The following NHSL1 variants were observed in gnomAD, a reference collection of about 807,000 sequenced individuals.
NHSL1 encodes NHS like 1.
In NHSL1, 48 loss-of-function variants were observed where a neutral mutation model predicts 95.0. That is an observed-to-expected ratio of 0.51 (90% CI 0.40 to 0.64). The LOEUF (loss-of-function observed/expected upper bound fraction) is 0.64. Ranked by LOEUF, NHSL1 falls within the 30% of genes least tolerant of loss-of-function variation. NHSL1 has a pLI of 0.00. For synonymous variants in NHSL1, 783 were observed against 833.9 expected, an observed-to-expected ratio of 0.94 and a Z score of 1.05; for missense variants, 1,971 against 2,077.7, an observed-to-expected ratio of 0.95 and a Z score of 1.00.
chr6:138,634,592 T>C (rs1191935792), intron 1 of NHSL1, among the ~76,000 whole-genome samples: 1 of 152,110 alleles, frequency 6.6e-6, no homozygotes, highest in Non-Finnish European at 1.5e-5. Context: ...GAGATCCCAA[T>C]ACAATAATAG....
At chr6:138,588,519 C>A (rs185431069) in intron 1 of NHSL1, among the ~76,000 whole-genome samples, 140 of 152,154 alleles carry the variant, frequency 9.2e-4, no homozygotes, top group African/African-American at 3.3e-3. Context: ...TGAAAACAAA[C>A]TGAGGCTAAG....
intron 1 of NHSL1, among the ~76,000 whole-genome samples, chr6:138,617,649 C>T (rs1424277754): frequency 6.6e-6 from 1 of 152,202 alleles, no homozygotes; most frequent in East Asian, 1.9e-4. Flanking sequence ...ACAATGCGCA[C>T]GCAGACACAC....
intron 1 of NHSL1, among the ~76,000 whole-genome samples, chr6:138,522,685 C>T (rs565066203): frequency 6.6e-6 from 1 of 152,118 alleles, no homozygotes; most frequent in East Asian, 1.9e-4. Context: ...TGGTGGCGCA[C>T]ATGTGGTTTC....
intron 1 of NHSL1, among the ~76,000 whole-genome samples, chr6:138,513,593 T>C (rs1243266811): frequency 6.6e-6 from 1 of 152,154 alleles, no homozygotes; most frequent in Non-Finnish European, 1.5e-5. Flanking sequence ...ATCAAATGAT[T>C]ACAGGGGCTG....
At chr6:138,634,697 C>T (rs1784865369) in intron 1 of NHSL1, among the ~76,000 whole-genome samples, 1 of 151,914 alleles carries the variant, frequency 6.6e-6, no homozygotes, top group African/African-American at 2.4e-5. Flanking sequence ...CCAAATAGAC[C>T]TAAGAGATAT....
chr6:138,489,046 G>GTCTGTCA (rs1779880785), intron 2 of NHSL1, among the ~76,000 whole-genome samples: 1 of 152,180 alleles, frequency 6.6e-6, no homozygotes, highest in African/African-American at 2.4e-5. Flanking sequence ...AGTATTAAGC[G>GTCTGTCA]TCTGTCACTG....
intron 1 of NHSL1, among the ~76,000 whole-genome samples, chr6:138,668,550 ATC>A (rs1468542676): frequency 1.3e-5 from 2 of 152,204 alleles, no homozygotes; most frequent in Admixed American, 6.5e-5. Flanking sequence ...TGCAATTATT[ATC>A]TGTCAATTAA....
chr6:138,444,073 A>G (rs985962397), intron 4 of NHSL1, among the ~76,000 whole-genome samples: 6 of 152,160 alleles, frequency 3.9e-5, no homozygotes, highest in Non-Finnish European at 8.8e-5. Flanking sequence ...AGCATCCCCT[A>G]TGGCACTCAG....
At chr6:138,613,166 A>G (rs930565451) in intron 1 of NHSL1, among the ~76,000 whole-genome samples, 3 of 152,180 alleles carry the variant, frequency 2.0e-5, no homozygotes, top group African/African-American at 7.2e-5. Flanking sequence ...CTTTTAACTA[A>G]CTGCAGGCCA....
At chr6:138,621,881 C>T (rs912231466) in intron 1 of NHSL1, among the ~76,000 whole-genome samples, 14 of 152,300 alleles carry the variant, frequency 9.2e-5, no homozygotes, top group Admixed American at 2.0e-4. Flanking sequence ...AGCAAGGAGG[C>T]AGCACTAGGT....
Position 138,431,653 on chromosome 6 carries a change from T to C in NHSL1, c.2692A>G (p.Ile898Val), listed in dbSNP as rs1327838949. Residue 898 changes from isoleucine (I) to valine (V), a missense_variant, in exon 6 of 8, where the codon ATT (isoleucine) becomes GTT (valine). By Grantham distance (29) the Ile-to-Val change is conservative. Coordinates refer to ENST00000343505, the MANE Select transcript of NHSL1 (RefSeq NM_001144060.2). The surrounding 1 kb of genome is among the most constrained non-coding windows in gnomAD (Gnocchi z 4.0). Reference sequence around the variant, plus strand: ...GAAAGAGAAGTGGACGATGAGGAAATGGATACTGAAGATATCAGAGAGGAC... The same window carrying C: ...GAAAGAGAAGTGGACGATGAGGAAACGGATACTGAAGATATCAGAGAGGAC... ...RKSSLISSVS[I>V]SSSSTSLSSS... The C allele has an allele frequency of 1.3e-6, 2 of 1,551,608 alleles. No individual in the cohort carries two copies. Among genetic ancestry groups the C allele is most frequent in the Admixed American group, 3.9e-5 (2 of 50,992 alleles).
In NHSL1 at chr6:138,432,712, C is replaced by A; in HGVS notation, c.1633G>T (p.Gly545Ter). ...GKSESSYSGG[G>*]GHSSSEPWEY... The stretch of plus-strand genomic sequence containing the variant: ...CAGGGCTCCGAGCTGCTGTGCCCTC[C>A]GCCCCCTGAATAACTAGATTCACTC... The change falls in exon 6 of 8, where the codon GGA (glycine) becomes TGA (stop). Residue 545 changes from glycine to a stop codon, truncating the protein, a stop_gained. Transcript: ENST00000343505. LOFTEE classifies it high-confidence loss of function. The surrounding 1 kb of genome is among the most constrained non-coding windows in gnomAD (Gnocchi z 4.4). 6.4e-7 allele frequency: 1 copy of A among 1,551,510 alleles called. No homozygotes were observed. The highest frequency in any genetic ancestry group is 1.2e-5 in the South Asian group (1 of 84,050).
At chr6:138,552,052 T>G (rs2128333862) in intron 1 of NHSL1, among the ~76,000 whole-genome samples, 1 of 152,336 alleles carries the variant, frequency 6.6e-6, no homozygotes, top group East Asian at 1.9e-4. Context: ...CCTCTGGCCT[T>G]GGGTAGACAC....
Position 138,621,621 on chromosome 6 carries a change from T to C in NHSL1, c.96+70855A>G, listed in dbSNP as rs142197691. ...CTGAATAGCTGGGAATACAGGTGTG[T>C]GCCACCACGACCAGCTAATTTTTGA... On this transcript the variant is annotated intron_variant, in intron 1 of 3. Coordinates refer to the NHSL1 transcript ENST00000491526. 2.0e-3 allele frequency among the ~76,000 whole-genome samples: 309 copies of C among 152,254 alleles called. 4 individuals carry two copies. The highest frequency in any genetic ancestry group is 7.0e-3 in the African/African-American group (290 of 41,546).
intron 1 of NHSL1, among the ~76,000 whole-genome samples, chr6:138,568,761 A>G (rs1783711782): frequency 6.6e-6 from 1 of 152,228 alleles, no homozygotes; most frequent in Non-Finnish European, 1.5e-5. Context: ...GAAAATGCAT[A>G]CTAGTAGCTT....
At chr6:138,440,536 T>C (rs1046778655) in intron 5 of NHSL1, among the ~76,000 whole-genome samples, 8 of 152,246 alleles carry the variant, frequency 5.3e-5, no homozygotes, top group Admixed American at 2.6e-4. Context: ...AACACCTGTA[T>C]ACCATCTGGG....
intron 1 of NHSL1, among the ~76,000 whole-genome samples, chr6:138,666,950 T>A (rs913762076): frequency 2.6e-5 from 4 of 152,184 alleles, no homozygotes; most frequent in East Asian, 3.8e-4. Context: ...AATTTTTTTT[T>A]AAATCCAACA....
chr6:138,493,650 AGGCACTGCCTCG>A (rs2128282557), intron 2 of NHSL1, among the ~76,000 whole-genome samples: 2 of 152,356 alleles, frequency 1.3e-5, no homozygotes, highest in South Asian at 4.1e-4. Context: ...AATGCTAATG[AGGCACTGCCTCG>A]GGGATTTGTC....
At chr6:138,594,051 ACTTTCCCAGC>A (rs1383950573) in intron 1 of NHSL1, among the ~76,000 whole-genome samples, 3 of 152,160 alleles carry the variant, frequency 2.0e-5, no homozygotes, top group African/African-American at 7.2e-5. Context: ...TCACTACAGG[ACTTTCCCAGC>A]CTTTGACATG....
Sources: gnomAD v4.1 joint callset for allele counts (sites outside exome capture counted in the v4.1 genomes callset) on GRCh38, gnomAD v4.1.1 for gene constraint, Gnocchi (gnomAD v3.1) non-coding constraint, MANE v1.5 for transcripts, NCBI Gene and HGNC (gene_info 2026-07-23, HGNC 2026-07-21) for gene names.